IFT88: variants seen among roughly 807,000 people sequenced by gnomAD.
IFT88 encodes intraflagellar transport protein 88 homolog.
A neutral mutation model predicts 119.5 loss-of-function variants in IFT88; 74 were observed. The observed-to-expected ratio is 0.62, with a 90% CI of 0.51 to 0.75. IFT88 has a LOEUF of 0.75. Ranked by LOEUF, IFT88 falls within the 30% of genes least tolerant of loss-of-function variation. The pLI, the probability that IFT88 is intolerant of heterozygous loss-of-function variation, is 0.00. For missense variants in IFT88, 961 were observed against 977.7 expected, an observed-to-expected ratio of 0.98 and a Z score of 0.23; for synonymous variants, 279 against 316.7, an observed-to-expected ratio of 0.88 and a Z score of 1.26.
At position 20,690,753 on chromosome 13, in the gene IFT88, C is replaced by T; in HGVS notation, c.2291C>T (p.Ala764Val). The T allele has an allele frequency of 1.9e-6, 3 of 1,613,778 alleles. No homozygotes were observed. In the South Asian group the frequency reaches 3.3e-5, roughly 18 times the overall value. ...AGTAGTAAAGGTGAACGACTAAGTGCCAGACTCAGAGCTTTACCTGGGACA... is the reference window on the plus strand; with the variant it reads ...AGTAGTAAAGGTGAACGACTAAGTGTCAGACTCAGAGCTTTACCTGGGACA... Reference protein sequence around the residue: ...SASSKGERLSARLRALPGTNE... With the variant: ...SASSKGERLSVRLRALPGTNE... Residue 764 changes from alanine to valine, a missense_variant, in exon 25 of 26, where the codon GCC (alanine) becomes GTC (valine). Transcript: ENST00000351808.
intron 21 of IFT88, among the ~76,000 whole-genome samples, chr13:20,654,198 A>G (rs2052339683): frequency 1.3e-5 from 2 of 152,216 alleles, no homozygotes; most frequent in Admixed American, 1.3e-4. Flanking sequence ...CATTTTCACA[A>G]GTTAGCCACA....
chr13:20,643,566 T>C lies in IFT88; in HGVS notation c.1794T>C (p.Arg598=), dbSNP rs2050283655. The change falls in exon 19 of 26, where the codon CGT becomes CGC. Residue 598 remains arginine, a synonymous_variant. Transcript: ENST00000351808. ...VLSKLGELYD[R]EGDKSQAFQY... is the part of the protein sequence containing the mutation. ...CTAAGCTAGGAGAATTATATGATCGTGAAGGAGATAAATCTCAAGCATTTC... is the reference window on the plus strand; with the variant it reads ...CTAAGCTAGGAGAATTATATGATCGCGAAGGAGATAAATCTCAAGCATTTC... 1.1e-5 allele frequency: 18 copies of C among 1,609,824 alleles called. No homozygotes were observed. Among genetic ancestry groups the C allele is most frequent in the Non-Finnish European group, 1.4e-5 (17 of 1,176,798 alleles).
chr13:20,604,203 G>T (rs903675818), intron 12 of IFT88, among the ~76,000 whole-genome samples: 2 of 152,186 alleles, frequency 1.3e-5, no homozygotes, highest in Non-Finnish European at 2.9e-5. Context: ...TCATGCCACA[G>T]TGCTCCAGTC....
chr13:20,574,425 G>C lies in IFT88; in HGVS notation c.40G>C (p.Asp14His). 1.9e-6 allele frequency: 3 copies of C among 1,612,370 alleles called. No homozygotes were observed. Among genetic ancestry groups the C allele is most frequent in the Non-Finnish European group, 2.5e-6 (3 of 1,178,918 alleles). ...GCACCTGGCTCCAGAGACAGATGAA[G>C]ATGATCTTTATTCCGGCTATAATGA... Reference protein sequence around the residue: ...NVHLAPETDEDDLYSGYNDYN... With the variant: ...NVHLAPETDEHDLYSGYNDYN... Residue 14 changes from aspartate to histidine, a missense_variant, in exon 2 of 26, where the codon GAT becomes CAT. Coordinates refer to ENST00000351808, the MANE Select transcript of IFT88 (RefSeq NM_006531.5).
intron 23 of IFT88, among the ~76,000 whole-genome samples, chr13:20,664,598 A>G (rs1158242740): frequency 6.6e-6 from 1 of 152,170 alleles, no homozygotes; most frequent in East Asian, 1.9e-4. Context: ...TTCACTGAAC[A>G]TGAAAAACAT....
At chr13:20,644,538 G>T (rs1594578203) in intron 19 of IFT88, among the ~76,000 whole-genome samples, 1 of 151,608 alleles carries the variant, frequency 6.6e-6, no homozygotes, top group African/African-American at 2.4e-5. Context: ...ATAAAAAGAA[G>T]TACCAGTTCA....
intron 15 of IFT88, among the ~76,000 whole-genome samples, chr13:20,626,111 A>G (rs1208428490): frequency 2.4e-5 from 2 of 84,680 alleles, no homozygotes; most frequent in East Asian, 4.2e-4. Context: ...CCTAGGCTAG[A>G]GTGCAGTGGC....
chr13:20,576,583 A>G (rs1297331449), intron 2 of IFT88, among the ~76,000 whole-genome samples: 1 of 152,138 alleles, frequency 6.6e-6, no homozygotes, highest in Non-Finnish European at 1.5e-5. Flanking sequence ...ATTCTTCTGC[A>G]TGTGGATATT....
chr13:20,567,903 TGGAAGTA>T, intron 1 of IFT88: 1 of 632,248 alleles, frequency 1.6e-6, no homozygotes, highest in South Asian at 2.0e-5. Flanking sequence ...GTAGGCTTCT[TGGAAGTA>T]GACCAAGGGT....
chr13:20,628,245 G>A (rs1438442455), intron 15 of IFT88, among the ~76,000 whole-genome samples: 1 of 151,906 alleles, frequency 6.6e-6, no homozygotes, highest in East Asian at 1.9e-4. Flanking sequence ...CAGAGTATGG[G>A]TCTTTTTGAT....
intron 10 of IFT88, 94 bp downstream of exon 10, chr13:20,598,847 T>A (rs2042160624): frequency 1.4e-6 from 1 of 737,758 alleles, no homozygotes; most frequent in Admixed American, 2.0e-5. Context: ...AATGAAATGA[T>A]CTATGCTCTA....
At position 20,641,338 on chromosome 13, in the gene IFT88, T is replaced by G; in HGVS notation, c.1622T>G (p.Phe541Cys). The G allele has an allele frequency of 6.2e-7, 1 of 1,613,060 alleles. No homozygotes were observed. The highest frequency in any genetic ancestry group is 8.5e-7 in the Non-Finnish European group (1 of 1,179,306). Reference protein sequence around the residue: ...LNRLDEALDCFLKLHAILRNS... With the variant: ...LNRLDEALDCCLKLHAILRNS... The stretch of plus-strand genomic sequence containing the variant: ...CGGCTAGATGAGGCTTTGGACTGTT[T>G]CCTGAAACTTCACGCAATCCTACGA... The change falls in exon 18 of 26, where the codon TTC (phenylalanine) becomes TGC (cysteine). Residue 541 changes from phenylalanine (F) to cysteine (C), a missense_variant. By Grantham distance (205) the Phe-to-Cys change is radical (BLOSUM62 -2). Coordinates refer to ENST00000351808, the MANE Select transcript of IFT88 (RefSeq NM_006531.5).
chr13:20,631,308 A>G, intron 16 of IFT88: 1 of 505,582 alleles, frequency 2.0e-6, no homozygotes. Context: ...TCTGAAGGAG[A>G]AGGGAGGAAG....
chr13:20,630,585 G>C (rs1438575842), intron 15 of IFT88, among the ~76,000 whole-genome samples: 2 of 151,764 alleles, frequency 1.3e-5, no homozygotes, highest in Non-Finnish European at 2.9e-5. Context: ...TATTTTTTTA[G>C]AGAGAGTCTC....
intron 3 of IFT88, among the ~76,000 whole-genome samples, chr13:20,586,436 AAGAG>A (rs748629565): frequency 3.3e-5 from 5 of 152,234 alleles, no homozygotes; most frequent in Non-Finnish European, 5.9e-5. Flanking sequence ...TGGAATTTAA[AAGAG>A]AGGTTATTTA....
chr13:20,631,685 A>T (rs1427526732), intron 16 of IFT88: 1 of 152,502 alleles, frequency 6.6e-6, no homozygotes. Context: ...GAAAGATTTC[A>T]TAGAGAGTTG....
intron 13 of IFT88, among the ~76,000 whole-genome samples, chr13:20,608,737 C>G (rs532816846): frequency 6.6e-6 from 1 of 152,318 alleles, no homozygotes; most frequent in Non-Finnish European, 1.5e-5. Flanking sequence ...TCCCAGTCAT[C>G]CCCTTAATAG....
intron 3 of IFT88, among the ~76,000 whole-genome samples, chr13:20,584,097 T>G (rs2039204386): frequency 6.6e-6 from 1 of 151,984 alleles, no homozygotes; most frequent in Non-Finnish European, 1.5e-5. Context: ...CACAGTTGTT[T>G]TAGCTACTTG....
intron 14 of IFT88, among the ~76,000 whole-genome samples, chr13:20,620,762 C>T (rs1281224226): frequency 6.6e-6 from 1 of 152,120 alleles, no homozygotes; most frequent in Non-Finnish European, 1.5e-5. Flanking sequence ...GATGGGGTTT[C>T]ACCATGTTAG....
Sources: gnomAD v4.1 joint callset for allele counts (sites outside exome capture counted in the v4.1 genomes callset) on GRCh38, gnomAD v4.1.1 for gene constraint, MANE v1.5 for transcripts, NCBI Gene and HGNC (gene_info 2026-07-23, HGNC 2026-07-21) for gene names.